Variants in TENM1 observed in about 807,000 individuals in gnomAD.
TENM1 encodes the protein teneurin-1.
In TENM1, 35 loss-of-function variants were observed where a neutral mutation model predicts 174.8. The ratio of observed to expected loss-of-function variants is 0.20; its 90% CI spans 0.15 to 0.27. TENM1 has a LOEUF of 0.27. TENM1 is among the 10% of genes least tolerant of loss of function. The pLI is 1.00. For missense variants in TENM1, 1,633 were observed against 2,130.1 expected, an observed-to-expected ratio of 0.77 and a Z score of 4.59; for synonymous variants, 781 against 798.7, an observed-to-expected ratio of 0.98 and a Z score of 0.37.
chrX:125,123,348 G>A, the TENM1 span, among the ~76,000 whole-genome samples: 41 of 110,357 alleles, frequency 3.7e-4, 1 homozygote, highest in East Asian at 0.011. Flanking sequence ...ACTTTTGGAG[G>A]CCAAGGCGGG....
intron 20 of TENM1, among the ~76,000 whole-genome samples, chrX:124,492,483 C>T (rs2047090314): frequency 9.2e-6 from 1 of 109,104 alleles, no homozygotes; most frequent in Non-Finnish European, 1.9e-5. Flanking sequence ...ATATAGGCAA[C>T]TGATCAGGAT....
chrX:125,094,835 T>C, the TENM1 span, among the ~76,000 whole-genome samples: 1 of 112,274 alleles, frequency 8.9e-6, no homozygotes, highest in Non-Finnish European at 1.9e-5. Context: ...GTCAGAACCT[T>C]GTGCAAATTA....
chrX:124,642,070 G>A (rs2051032490), intron 10 of TENM1, 79 bp from the exon 14 acceptor site: 3 of 712,276 alleles, frequency 4.2e-6, no homozygotes, highest in Admixed American at 2.4e-5. Flanking sequence ...ATGATGAAAC[G>A]GAGATTACAT....
intron 23 of TENM1, among the ~76,000 whole-genome samples, chrX:124,443,453 T>C (rs1326217323): frequency 8.9e-6 from 1 of 111,830 alleles, no homozygotes; most frequent in Non-Finnish European, 1.9e-5. Context: ...AGCATCTAAA[T>C]TCTTTAACTG....
intron 5 of TENM1, among the ~76,000 whole-genome samples, chrX:124,687,151 T>C (rs1275250137): frequency 9.0e-6 from 1 of 111,537 alleles, no homozygotes; most frequent in East Asian, 2.8e-4. Context: ...ACGACAATCC[T>C]AAGCAAAAAG....
chrX:125,067,186 A>G, the TENM1 span, among the ~76,000 whole-genome samples: 1 of 111,441 alleles, frequency 9.0e-6, no homozygotes, highest in South Asian at 3.8e-4. Flanking sequence ...AGAGATGGAC[A>G]GCAAATATGA....
intron 3 of TENM1, among the ~76,000 whole-genome samples, chrX:124,864,214 C>G (rs970110084): frequency 1.8e-5 from 2 of 112,092 alleles, no homozygotes; most frequent in African/African-American, 6.5e-5. Context: ...AGCATCAACA[C>G]TATCTAGGAA....
chrX:124,652,912 G>A (rs5956672), intron 7 of TENM1, among the ~76,000 whole-genome samples: 12,643 of 111,113 alleles, frequency 0.11, 1,520 homozygotes, highest in African/African-American at 0.36. Flanking sequence ...TCTTTGTTTA[G>A]CATGATCTCT....
At chrX:124,567,141 C>A (rs754237153) in intron 11 of TENM1, among the ~76,000 whole-genome samples, 1 of 111,632 alleles carries the variant, frequency 9.0e-6, no homozygotes, top group African/African-American at 3.2e-5. Context: ...AAAAGATTAA[C>A]CCTAAGATAT....
At chrX:125,073,944 T>C in the TENM1 span, among the ~76,000 whole-genome samples, 1 of 112,191 alleles carries the variant, frequency 8.9e-6, no homozygotes, top group African/African-American at 3.2e-5. Context: ...AGGTAAAATT[T>C]AGCAGAATTA....
At chrX:124,411,055 A>G (rs1041757755) in intron 25 of TENM1, among the ~76,000 whole-genome samples, 5 of 112,300 alleles carry the variant, frequency 4.5e-5, no homozygotes, top group African/African-American at 6.5e-5. Flanking sequence ...AAAATTCCCA[A>G]TGAACCTTTG....
At chrX:124,845,299 A>G (rs1325413929) in intron 3 of TENM1, among the ~76,000 whole-genome samples, 1 of 111,384 alleles carries the variant, frequency 9.0e-6, no homozygotes, top group Non-Finnish European at 1.9e-5. Context: ...TAATGTGCAC[A>G]CAAATCACCT....
intron 23 of TENM1, among the ~76,000 whole-genome samples, chrX:124,437,831 G>A (rs2060859973): frequency 1.8e-5 from 2 of 111,919 alleles, no homozygotes; most frequent in South Asian, 3.8e-4. Flanking sequence ...AGATAAACAC[G>A]TTTCAACAGG....
At chrX:125,041,238 T>C in the TENM1 span, among the ~76,000 whole-genome samples, 50 of 111,458 alleles carry the variant, frequency 4.5e-4, no homozygotes, top group African/African-American at 1.6e-3. Context: ...GTCTACAAAG[T>C]AGTAGAAATT....
intron 3 of TENM1, among the ~76,000 whole-genome samples, chrX:124,872,592 A>C (rs1177389312): frequency 8.9e-6 from 1 of 112,435 alleles, no homozygotes; most frequent in Non-Finnish European, 1.9e-5. Flanking sequence ...TTGTTCAGGG[A>C]AACACAATGA....
chrX:124,974,496 G>A, the TENM1 span, among the ~76,000 whole-genome samples: 1 of 111,500 alleles, frequency 9.0e-6, no homozygotes, highest in Non-Finnish European at 1.9e-5. Context: ...ATATCCTCAA[G>A]GTGTTTTGGC....
chrX:125,199,193 A>G, the TENM1 span, among the ~76,000 whole-genome samples: 102 of 111,607 alleles, frequency 9.1e-4, no homozygotes, highest in African/African-American at 3.1e-3. Context: ...TAGGTAAACA[A>G]TTTTCTCAAA....
At chrX:125,183,696 C>G in the TENM1 span, among the ~76,000 whole-genome samples, 1 of 111,779 alleles carries the variant, frequency 8.9e-6, no homozygotes, top group South Asian at 3.7e-4. Context: ...CAGCTTGAAA[C>G]TATTTATTAT....
intron 25 of TENM1, among the ~76,000 whole-genome samples, chrX:124,409,747 C>A (rs201993140): frequency 0.5 from 41,573 of 83,824 alleles, 9,030 homozygotes; most frequent in African/African-American, 0.58. Flanking sequence ...AGAGCCAAAT[C>A]ATGAGTGAAC....
Sources: gnomAD v4.1 joint callset for allele counts (sites outside exome capture counted in the v4.1 genomes callset) on GRCh38, gnomAD v4.1.1 for gene constraint, MANE v1.5 for transcripts, NCBI Gene and HGNC (gene_info 2026-07-23, HGNC 2026-07-21) for gene names.